Variants in IFITM10 observed in about 807,000 individuals in gnomAD.
IFITM10 encodes the protein interferon induced transmembrane protein 10.
Under a neutral mutation model 19.0 loss-of-function variants are expected in IFITM10, and 17 were observed. The observed-to-expected ratio is 0.90, with a 90% CI of 0.61 to 1.34. IFITM10 has a LOEUF of 1.34. Ranked by LOEUF, IFITM10 falls within the 40% of genes most tolerant of loss-of-function variation. The probability of loss-of-function intolerance (pLI) is 0.00; values close to 1 mark genes in which losing one functional copy is unlikely to be tolerated. For missense variants in IFITM10, 306 were observed against 319.8 expected, an observed-to-expected ratio of 0.96 and a Z score of 0.33; for synonymous variants, 148 against 147.2, an observed-to-expected ratio of 1.01 and a Z score of -0.04.
chr11:1,748,997 C>T (rs1005189328), intron 1 of IFITM10: 4 of 1,032,964 alleles, frequency 3.9e-6, no homozygotes, highest in Non-Finnish European at 4.7e-6. Context: ...CGCAGCCCCC[C>T]GGACGGCGCC....
chr11:1,746,354 GCACA>G, intron 2 of IFITM10: 1 of 391,984 alleles, frequency 2.6e-6, no homozygotes, highest in Non-Finnish European at 4.5e-6. Flanking sequence ...GCACACACAT[GCACA>G]CACAAAAATA....
intron 2 of IFITM10, among the ~76,000 whole-genome samples, chr11:1,737,456 G>A (rs897046014): frequency 5.9e-5 from 9 of 152,178 alleles, no homozygotes; most frequent in African/African-American, 1.9e-4. Flanking sequence ...TGATTCTGCG[G>A]GTCGTAGACT....
At chr11:1,746,810 GTGA>G in intron 2 of IFITM10, 1 of 398,708 alleles carries the variant, frequency 2.5e-6, no homozygotes, top group Non-Finnish European at 4.4e-6. Context: ...CTGGGGAAAT[GTGA>G]TGATGAGGCT....
At chr11:1,742,183 C>T (rs1105311) in intron 2 of IFITM10, among the ~76,000 whole-genome samples, 47,355 of 151,800 alleles carry the variant, frequency 0.31, 8,735 homozygotes, top group African/African-American at 0.52. Context: ...AGATGGTCAA[C>T]GAGATGAGTG....
At chr11:1,737,644 G>T (rs1409136420) in intron 2 of IFITM10, among the ~76,000 whole-genome samples, 1 of 152,210 alleles carries the variant, frequency 6.6e-6, no homozygotes, top group African/African-American at 2.4e-5. Flanking sequence ...AGGCAAAGAA[G>T]ATTCCAGAGC....
intron 2 of IFITM10, among the ~76,000 whole-genome samples, chr11:1,744,018 C>T (rs144191985): frequency 6.8e-4 from 104 of 152,318 alleles, no homozygotes; most frequent in African/African-American, 2.4e-3. Flanking sequence ...GCCCCACCTA[C>T]GTGTCTTAGT....
chr11:1,745,055 GC>G, intron 2 of IFITM10: 1 of 152,688 alleles, frequency 6.5e-6, no homozygotes, highest in Non-Finnish European at 1.5e-5. Flanking sequence ...TGCCCTGGCT[GC>G]CCCCGCCCAC....
Position 1,735,407 on chromosome 11 carries a change from T to C in IFITM10, c.560A>G (p.Asn187Ser). The C allele has an allele frequency of 1.9e-6, 3 of 1,551,482 alleles. No homozygotes were observed. The highest frequency in any genetic ancestry group is 2.6e-6 in the Non-Finnish European group (3 of 1,146,868). Residue 187 changes from asparagine to serine, a missense_variant, in exon 3 of 3, where the codon AAT (asparagine) becomes AGT (serine). Asn to Ser is a conservative substitution (Grantham distance 46). Coordinates refer to ENST00000340134, the MANE Select transcript of IFITM10 (RefSeq NM_001170820.4). ...SLKVRDKKLL[N>S]DLNGAVEDAK... ...ATCCTCCACGGCTCCATTCAGGTCATTGAGAAGCTTCTTGTCTCGCACCTG... is the reference window on the plus strand; with the variant it reads ...ATCCTCCACGGCTCCATTCAGGTCACTGAGAAGCTTCTTGTCTCGCACCTG...
In IFITM10 at chr11:1,748,946, GC is replaced by G. The variant is rs1845685621; in HGVS notation, c.85-828del. 3 of 736,052 alleles carry G rather than the reference GC, an allele frequency of 4.1e-6. No individual in the cohort carries two copies. In the African/African-American group the frequency reaches 5.7e-5, roughly 14 times the overall value. 45.6% of individuals were successfully genotyped at this position (736,052 alleles called of 1,614,324 possible). A position where few individuals can be genotyped will look rare whatever the true frequency, so the allele number is the denominator to read the frequency against. ...CCGTGCGGCGCTCGCCGGGGGGTCTGCGGCCGAGGCTCTGCAGCCCCCAGCC... is the reference window on the plus strand; with the variant it reads ...CCGTGCGGCGCTCGCCGGGGGGTCTGGGCCGAGGCTCTGCAGCCCCCAGCC... On this transcript the variant is annotated intron_variant, in intron 1 of 2. Coordinates refer to ENST00000340134, the MANE Select transcript of IFITM10 (RefSeq NM_001170820.4).
intron 1 of IFITM10, 64 bp from the exon 2 acceptor site, chr11:1,748,183 C>T: frequency 8.4e-7 from 1 of 1,184,594 alleles, no homozygotes; most frequent in Non-Finnish European, 1.1e-6. Context: ...CCCTCACGCC[C>T]AGCAGCTCCG....
chr11:1,735,256 G>A lies in IFITM10; in HGVS notation c.*24C>T, dbSNP rs1320211915. ...TAAACATGTCTCAGTGCTTGTCTCCGCCAGCAGCCGTGCCTGGCGGGCCTT... is the reference window on the plus strand; with the variant it reads ...TAAACATGTCTCAGTGCTTGTCTCCACCAGCAGCCGTGCCTGGCGGGCCTT... On this transcript the variant is annotated 3_prime_UTR_variant, in exon 3 of 3. Transcript: ENST00000340134. 21 of 1,550,370 alleles carry A rather than the reference G, an allele frequency of 1.4e-5. No homozygotes were observed. Among genetic ancestry groups the A allele is most frequent in the South Asian group, 2.4e-5 (2 of 84,012 alleles).
chr11:1,740,232 G>A (rs1022382691), intron 2 of IFITM10, among the ~76,000 whole-genome samples: 1 of 147,978 alleles, frequency 6.8e-6, no homozygotes, highest in Non-Finnish European at 1.5e-5. Context: ...CTCAGGAGGC[G>A]TAGGTTGCAG....
In IFITM10 at chr11:1,747,916, A is replaced by T; in HGVS notation, c.288T>A (p.Ser96=). Residue 96 remains serine (S), a synonymous_variant, in exon 2 of 3, where the codon TCT becomes TCA. Coordinates refer to ENST00000340134, the MANE Select transcript of IFITM10 (RefSeq NM_001170820.4). The part of the protein sequence containing the change: ...PAAPAPEPSA[S]PPMAPTLFPM... ...GGAACAGTGTGGGCGCCATCGGGGG[A>T]GAGGCCGAGGGCTCAGGGGCAGGGG... 6.7e-7 allele frequency: 1 copy of T among 1,494,100 alleles called. No individual in the cohort carries two copies. The highest frequency in any genetic ancestry group is 8.9e-7 in the Non-Finnish European group (1 of 1,117,354). 92.6% of individuals were successfully genotyped at this position (1,494,100 alleles called of 1,614,324 possible). A position where few individuals can be genotyped will look rare whatever the true frequency, so the allele number is the denominator to read the frequency against.
chr11:1,748,099 G>C lies in IFITM10; in HGVS notation c.105C>G (p.Cys35Trp). ...TGGCCGGGTCTCCCAGCGGGGCTGGGCACTGGCCGGGGCCCTGGGCCTGGA... is the reference window on the plus strand; with the variant it reads ...TGGCCGGGTCTCCCAGCGGGGCTGGCCACTGGCCGGGGCCCTGGGCCTGGA... ...WELEAQGPGQCPAPLGDPAST... is the reference protein window; with the variant it reads ...WELEAQGPGQWPAPLGDPAST... The change falls in exon 2 of 3, where the codon TGC becomes TGG. Residue 35 changes from cysteine to tryptophan, a missense_variant. By Grantham distance (215) the Cys-to-Trp change is radical. Coordinates refer to ENST00000340134, the MANE Select transcript of IFITM10 (RefSeq NM_001170820.4). 2.1e-6 allele frequency: 3 copies of C among 1,402,500 alleles called. No homozygotes were observed. The highest frequency in any genetic ancestry group is 2.8e-6 in the Non-Finnish European group (3 of 1,086,138). 86.9% of individuals were successfully genotyped at this position (1,402,500 alleles called of 1,614,324 possible). A position where few individuals can be genotyped will look rare whatever the true frequency, so the allele number is the denominator to read the frequency against.
intron 1 of IFITM10, chr11:1,748,839 A>G (rs1330737367): frequency 6.1e-6 from 1 of 164,550 alleles, no homozygotes; most frequent in African/African-American, 2.4e-5. Context: ...ACATAGACGC[A>G]CAATAACAGG....
chr11:1,743,483 T>G (rs1011942282), intron 2 of IFITM10, among the ~76,000 whole-genome samples: 3 of 151,444 alleles, frequency 2.0e-5, no homozygotes, highest in Admixed American at 6.6e-5. Context: ...TGGATGCATA[T>G]GGATGGATGG....
chr11:1,746,978 C>G (rs1845657825), intron 2 of IFITM10, among the ~76,000 whole-genome samples: 1 of 152,146 alleles, frequency 6.6e-6, no homozygotes, highest in East Asian at 1.9e-4. Flanking sequence ...ATCACAGCCT[C>G]CCTCCCACCA....
rs1008225219 is a variant in IFITM10 at position 1,735,204 on chromosome 11, G to T, written c.*76C>A. ...GCCCTGCCCTGCCCCAACCTCATGGGATCCTGCGTTTCAGGGACCATGAGA... is the reference window on the plus strand; with the variant it reads ...GCCCTGCCCTGCCCCAACCTCATGGTATCCTGCGTTTCAGGGACCATGAGA... On this transcript the variant is annotated 3_prime_UTR_variant, in exon 3 of 3. Coordinates refer to ENST00000340134, the MANE Select transcript of IFITM10 (RefSeq NM_001170820.4). 1.4e-5 allele frequency: 20 copies of T among 1,476,996 alleles called. No individual in the cohort carries two copies. The African/African-American group carries it at 2.7e-4, about 20-fold the overall frequency. The allele number at this position is 1,476,996 out of a possible 1,614,324, so 91.5% of individuals were successfully genotyped here.
intron 2 of IFITM10, among the ~76,000 whole-genome samples, chr11:1,740,873 T>C (rs1845562080): frequency 6.6e-6 from 1 of 151,556 alleles, no homozygotes; most frequent in Non-Finnish European, 1.5e-5. Flanking sequence ...CCATAGTGAG[T>C]GAATTCCTGA....
Sources: gnomAD v4.1 joint callset for allele counts (sites outside exome capture counted in the v4.1 genomes callset) on GRCh38, gnomAD v4.1.1 for gene constraint, MANE v1.5 for transcripts, NCBI Gene and HGNC (gene_info 2026-07-23, HGNC 2026-07-21) for gene names.